Variants in CTNNA3 observed in about 807,000 individuals in gnomAD.
CTNNA3 encodes catenin alpha 3.
CTNNA3 carries 76 observed loss-of-function variants against 95.7 expected under a neutral mutation model. The ratio of observed to expected loss-of-function variants is 0.79; its 90% confidence interval spans 0.66 to 0.96. CTNNA3 has a LOEUF of 0.96. Ranked by LOEUF, CTNNA3 falls within the 40% of genes least tolerant of loss-of-function variation. CTNNA3 has a pLI of 0.00. For missense variants in CTNNA3, 1,191 were observed against 1,089.8 expected (o/e 1.09, Z -1.31); for synonymous variants, 431 against 374.4 (o/e 1.15, Z -1.74).
At chr10:67,545,475 AT>A (rs1372526580) in intron 3 of CTNNA3, among the ~76,000 whole-genome samples, 1 of 152,164 alleles carries the variant, frequency 6.6e-6, no homozygotes, top group Non-Finnish European at 1.5e-5. Context: ...TATTAACTAT[AT>A]AAACCTATCA....
At chr10:67,211,957 TAA>T (rs1219813256) in intron 6 of CTNNA3, among the ~76,000 whole-genome samples, 1 of 152,088 alleles carries the variant, frequency 6.6e-6, no homozygotes, top group Non-Finnish European at 1.5e-5. Context: ...ATAAACACCC[TAA>T]ATAGTACAAA....
rs142853753 is a variant in CTNNA3 at position 66,451,028 on chromosome 10, T to C, written c.1531+69589A>G. ...GAACTTAACAATAGTAGATATCATC[T>C]ATAGCTTTTGAGTGGATTCAATAGC... On this transcript the variant is annotated intron_variant, in intron 11 of 17. Coordinates refer to ENST00000433211, the MANE Select transcript of CTNNA3 (RefSeq NM_013266.4). 3.3e-5 allele frequency among the ~76,000 whole-genome samples: 5 copies of C among 152,272 alleles called. No homozygotes were observed. The East Asian group carries it at 7.7e-4, about 24-fold the overall frequency.
intron 13 of CTNNA3, among the ~76,000 whole-genome samples, chr10:66,121,452 T>C (rs2082567937): frequency 6.6e-6 from 1 of 151,724 alleles, no homozygotes; most frequent in Non-Finnish European, 1.5e-5. Context: ...GTTTCTTTTT[T>C]TAATACAACA....
At chr10:66,532,417 G>A (rs10997221) in intron 10 of CTNNA3, among the ~76,000 whole-genome samples, 4 of 151,382 alleles carry the variant, frequency 2.6e-5, no homozygotes, top group Non-Finnish European at 5.9e-5. Context: ...AGCTGAGATC[G>A]CGCCACTGTA....
intron 9 of CTNNA3, among the ~76,000 whole-genome samples, chr10:66,647,681 T>TA (rs1241799277): frequency 5.3e-5 from 8 of 150,650 alleles, no homozygotes; most frequent in Non-Finnish European, 1.0e-4. Context: ...CAGCTAAATT[T>TA]TTTTTTTTTT....
intron 14 of CTNNA3, among the ~76,000 whole-genome samples, chr10:66,072,481 G>C (rs1317004519): frequency 6.6e-6 from 1 of 151,558 alleles, no homozygotes; most frequent in African/African-American, 2.4e-5. Context: ...GTCTTGCTCT[G>C]TCACCCAGGC....
At chr10:67,210,962 C>T (rs978239796) in intron 6 of CTNNA3, among the ~76,000 whole-genome samples, 1 of 152,130 alleles carries the variant, frequency 6.6e-6, no homozygotes, top group Non-Finnish European at 1.5e-5. Flanking sequence ...ATCAAGGAAT[C>T]GGCATCCAAG....
intron 11 of CTNNA3, among the ~76,000 whole-genome samples, chr10:66,517,882 T>A (rs1027675949): frequency 6.6e-6 from 1 of 152,182 alleles, no homozygotes; most frequent in South Asian, 2.1e-4. Flanking sequence ...TAGAAAATAA[T>A]GTGCGTTTTC....
chr10:67,109,762 G>A (rs1019356510), intron 7 of CTNNA3, among the ~76,000 whole-genome samples: 3 of 152,174 alleles, frequency 2.0e-5, no homozygotes, highest in Non-Finnish European at 2.9e-5. Flanking sequence ...AGAATGGGGT[G>A]AATCTGGGAG....
intron 9 of CTNNA3, among the ~76,000 whole-genome samples, chr10:66,671,957 T>A (rs1398363552): frequency 6.6e-6 from 1 of 152,184 alleles, no homozygotes; most frequent in Non-Finnish European, 1.5e-5. Context: ...CTGGTTATTA[T>A]TCTTGAAGTG....
At chr10:66,625,636 GC>G (rs1314491661) in intron 9 of CTNNA3, among the ~76,000 whole-genome samples, 1 of 152,120 alleles carries the variant, frequency 6.6e-6, no homozygotes, top group Non-Finnish European at 1.5e-5. Flanking sequence ...CAATCCATCT[GC>G]CTCAGTCTCC....
intron 5 of CTNNA3, among the ~76,000 whole-genome samples, chr10:67,376,354 G>C (rs184382739): frequency 1.4e-4 from 21 of 152,300 alleles, no homozygotes; most frequent in African/African-American, 5.1e-4. Context: ...AGTGGAGTCT[G>C]GCAAAAGAGA....
At chr10:67,723,288 C>CT (rs796834009) in intron 1 of CTNNA3, among the ~76,000 whole-genome samples, 1,941 of 140,912 alleles carry the variant, frequency 0.014, 33 homozygotes, top group African/African-American at 0.036. Context: ...CACCTGGCCT[C>CT]TTTTTTTTTT....
intron 5 of CTNNA3, among the ~76,000 whole-genome samples, chr10:67,505,292 T>C (rs1055510585): frequency 1.3e-5 from 2 of 152,202 alleles, no homozygotes; most frequent in African/African-American, 2.4e-5. Context: ...TATCAAACTT[T>C]CAAAAATATC....
rs1156671696 is a variant in CTNNA3, at chr10:66,055,891, C to T, written c.2159+13417G>A. Among the ~76,000 whole-genome samples the T allele has an allele frequency of 4.5e-5, 6 of 132,386 alleles. No homozygotes were observed. In the Admixed American group the frequency reaches 5.3e-4, roughly 12 times the overall value. The allele number at this position is 132,386 out of a possible 152,430, so 86.9% of individuals were successfully genotyped here. A position where few individuals can be genotyped will look rare whatever the true frequency, so the allele number is the denominator to read the frequency against. The stretch of plus-strand genomic sequence containing the variant: ...GAGCCAAGGTCACACCACTGCACTC[C>T]AGCCTGGGCGACAGAGCGAGACTCC... On this transcript the variant is annotated intron_variant, in intron 15 of 17. Coordinates refer to ENST00000433211, the MANE Select transcript of CTNNA3 (RefSeq NM_013266.4).
At chr10:66,651,518 C>A (rs548000929) in intron 9 of CTNNA3, among the ~76,000 whole-genome samples, 103 of 152,018 alleles carry the variant, frequency 6.8e-4, no homozygotes, top group African/African-American at 2.4e-3. Context: ...AAGGGGGCAG[C>A]GCCCATCGGG....
intron 7 of CTNNA3, among the ~76,000 whole-genome samples, chr10:67,061,223 G>T (rs10822968): frequency 0.12 from 18,063 of 152,070 alleles, 1,275 homozygotes; most frequent in African/African-American, 0.2. Context: ...CAGAGAAGCT[G>T]AACTGAATGA....
At chr10:65,972,743 T>C (rs905484841) in intron 16 of CTNNA3, among the ~76,000 whole-genome samples, 1 of 152,138 alleles carries the variant, frequency 6.6e-6, no homozygotes, top group Non-Finnish European at 1.5e-5. Context: ...ACTGGAAGAA[T>C]GAATATCGTT....
At chr10:66,619,715 T>C (rs989802583) in intron 10 of CTNNA3, among the ~76,000 whole-genome samples, 1 of 150,514 alleles carries the variant, frequency 6.6e-6, no homozygotes, top group Non-Finnish European at 1.5e-5. Context: ...AGTATAATAA[T>C]AATAAAAACA....
Sources: gnomAD v4.1 joint callset for allele counts (sites outside exome capture counted in the v4.1 genomes callset) on GRCh38, gnomAD v4.1.1 for gene constraint, MANE v1.5 for transcripts, NCBI Gene and HGNC (gene_info 2026-07-23, HGNC 2026-07-21) for gene names.